CLUL1: variants seen among roughly 807,000 people sequenced by gnomAD.
The protein encoded by CLUL1 is clusterin like 1, also known as clusterin-like protein 1.
In CLUL1, 43 loss-of-function variants were observed where a neutral mutation model predicts 49.4. The ratio of observed to expected loss-of-function variants is 0.87; its 90% confidence interval spans 0.68 to 1.12. The LOEUF (loss-of-function observed/expected upper bound fraction) is 1.12, where lower values mean the gene tolerates loss of function less well. Ranked by LOEUF, CLUL1 falls within the 50% of genes most tolerant of loss-of-function variation. The pLI, the probability that CLUL1 is intolerant of heterozygous loss-of-function variation, is 0.00. For synonymous variants in CLUL1, 192 were observed against 184.9 expected (o/e 1.04, Z -0.31); for missense variants, 486 against 544.4 (o/e 0.89, Z 1.07).
chr18:607,800 G>A (rs1029621295), intron 2 of CLUL1, among the ~76,000 whole-genome samples: 2 of 152,074 alleles, frequency 1.3e-5, no homozygotes, highest in East Asian at 1.9e-4. Context: ...GGTGTTAAGC[G>A]ATCCTCCCAC....
intron 1 of CLUL1, among the ~76,000 whole-genome samples, chr18:605,514 G>T (rs1219377714): frequency 6.6e-6 from 1 of 151,810 alleles, no homozygotes; most frequent in East Asian, 1.9e-4. Flanking sequence ...TGTAGTCCCA[G>T]CTACTTGGGA....
intron 7 of CLUL1, among the ~76,000 whole-genome samples, chr18:640,580 C>T (rs2074316848): frequency 1.3e-5 from 2 of 152,134 alleles, no homozygotes; most frequent in African/African-American, 4.8e-5. Flanking sequence ...AAGGGTTAGC[C>T]ATGTGAATGC....
chr18:620,903 CAA>C (rs1474140924), intron 4 of CLUL1, among the ~76,000 whole-genome samples: 2 of 151,986 alleles, frequency 1.3e-5, no homozygotes, highest in Non-Finnish European at 2.9e-5. Flanking sequence ...ACCCTTAAAT[CAA>C]AGAGGAAATT....
At chr18:637,557 A>G (rs1049531255) in intron 7 of CLUL1, among the ~76,000 whole-genome samples, 7 of 152,156 alleles carry the variant, frequency 4.6e-5, no homozygotes, top group Non-Finnish European at 8.8e-5. Context: ...CTTAGAATGT[A>G]TATTAGACAA....
At chr18:641,680 G>A (rs559037815) in intron 8 of CLUL1, 139 bp downstream of exon 8, 160 of 710,640 alleles carry the variant, frequency 2.3e-4, no homozygotes, top group Non-Finnish European at 3.5e-4. Flanking sequence ...TTGCCTTCAG[G>A]CTGACTTGAT....
At chr18:630,150 C>G (rs1598432253) in intron 6 of CLUL1, among the ~76,000 whole-genome samples, 1 of 152,064 alleles carries the variant, frequency 6.6e-6, no homozygotes, top group African/African-American at 2.4e-5. Context: ...GCTCTGTCAC[C>G]CAGGCTGGAG....
intron 1 of CLUL1, among the ~76,000 whole-genome samples, chr18:602,254 C>G (rs2072853065): frequency 6.6e-6 from 1 of 152,188 alleles, no homozygotes. Context: ...TGGTCTTGCC[C>G]TCAGGAACCT....
chr18:631,229 A>G (rs950754237), intron 6 of CLUL1, among the ~76,000 whole-genome samples: 1 of 152,124 alleles, frequency 6.6e-6, no homozygotes, highest in African/African-American at 2.4e-5. Context: ...TTTCTTTCCT[A>G]CCTTGGTCTT....
At chr18:638,810 A>G (rs2074236980) in intron 7 of CLUL1, among the ~76,000 whole-genome samples, 1 of 151,988 alleles carries the variant, frequency 6.6e-6, no homozygotes, top group African/African-American at 2.4e-5. Flanking sequence ...GTGGGTCAAG[A>G]TCAAGCAACT....
chr18:649,849 G>C lies in CLUL1; in HGVS notation c.1398-49G>C, dbSNP rs747183937. ...AAGAAAAAATACACTGAGTCTGTGA[G>C]TAATTTATTAGTATTTTGATCATTG... On this transcript the variant is annotated intron_variant, in intron 9 of 9. Coordinates refer to ENST00000692774, the MANE Select transcript of CLUL1 (RefSeq NM_001393344.1). 8.8e-6 allele frequency: 10 copies of C among 1,140,534 alleles called. No individual in the cohort carries two copies. In the East Asian group the frequency reaches 2.5e-4, roughly 28 times the overall value. 70.7% of individuals were successfully genotyped at this position (1,140,534 alleles called of 1,614,324 possible). A position where few individuals can be genotyped will look rare whatever the true frequency, so the allele number is the denominator to read the frequency against.
chr18:613,025 G>A (rs1056377427), intron 2 of CLUL1: 1 of 304,798 alleles, frequency 3.3e-6, no homozygotes, highest in South Asian at 1.5e-4. Context: ...ATGGTGAAGT[G>A]GAATATAATT....
rs2073047298 is a variant in CLUL1 at position 608,615 on chromosome 18, G to A, written c.-14+1516G>A. 2.0e-5 allele frequency among the ~76,000 whole-genome samples: 3 copies of A among 152,156 alleles called. No homozygotes were observed. The South Asian group carries it at 6.2e-4, about 32-fold the overall frequency. On this transcript the variant is annotated intron_variant, in intron 2 of 9. Coordinates refer to ENST00000692774, the MANE Select transcript of CLUL1 (RefSeq NM_001393344.1). The stretch of plus-strand genomic sequence containing the variant: ...TGCCTGTAGTCTCAGTGCTTTAGGA[G>A]GCTGAGGTGGGAGGATCACTTGAGG...
In CLUL1 at chr18:619,233, A is replaced by G. The variant is rs1274309069; in HGVS notation, c.127A>G (p.Ile43Val). The G allele has an allele frequency of 2.5e-6, 4 of 1,613,702 alleles. No individual in the cohort carries two copies. The highest frequency in any genetic ancestry group is 2.2e-5 in the East Asian group (1 of 44,876). ...NLKSFSEVGE[I>V]DADEEVKKAL... is the part of the protein sequence containing the mutation. ...TTTAGGTTTTTCTGAGGTGGGGGAG[A>G]TAGATGCAGATGAAGAGGTGAAGAA... The change falls in exon 4 of 10, where the codon ATA (isoleucine) becomes GTA (valine). Residue 43 changes from isoleucine to valine, a missense_variant. Physicochemically the swap from Ile to Val is conservative, Grantham distance 29. Coordinates refer to ENST00000692774, the MANE Select transcript of CLUL1 (RefSeq NM_001393344.1).
rs771278123 is a variant in CLUL1 at position 617,998 on chromosome 18, A to G, written c.-3A>G. 2.2e-5 allele frequency: 36 copies of G among 1,613,806 alleles called. No individual in the cohort carries two copies. The highest frequency in any genetic ancestry group is 3.0e-5 in the Non-Finnish European group (35 of 1,179,902). ...ATTTTTCCTTTGCAGTAACAGCGGG[A>G]ACATGAAGCCGCCACTCTTGGTGTT... On this transcript the variant is annotated 5_prime_UTR_variant, in exon 3 of 10. Transcript: ENST00000692774.
At position 619,092 on chromosome 18, in the gene CLUL1, T is replaced by C. The variant is rs2073399359; in HGVS notation, c.107-121T>C. ...ACAGCTAATTCATTATGATCTGCTT[T>C]CAGAATATGAGCCTATAAGAGAACA... On this transcript the variant is annotated intron_variant, in intron 3 of 9. Transcript: ENST00000692774. 6 of 922,970 alleles carry C rather than the reference T, an allele frequency of 6.5e-6. No individual in the cohort carries two copies. The South Asian group carries it at 7.8e-5, about 12-fold the overall frequency. The allele number at this position is 922,970 out of a possible 1,614,324, so 57.2% of individuals were successfully genotyped here. A position where few individuals can be genotyped will look rare whatever the true frequency, so the allele number is the denominator to read the frequency against.
intron 6 of CLUL1, among the ~76,000 whole-genome samples, chr18:629,397 C>T (rs2073919489): frequency 6.6e-6 from 1 of 152,240 alleles, no homozygotes; most frequent in African/African-American, 2.4e-5. Context: ...GGCTCCTCCC[C>T]TCCATGTTGT....
chr18:611,619 G>T (rs572017004), intron 2 of CLUL1, among the ~76,000 whole-genome samples: 1 of 152,098 alleles, frequency 6.6e-6, no homozygotes, highest in African/African-American at 2.4e-5. Context: ...TTAAGGGAAA[G>T]GTAACCACAT....
intron 9 of CLUL1, 32 bp downstream of exon 9, chr18:645,129 T>G (rs1160563376): frequency 1.3e-6 from 2 of 1,484,014 alleles, no homozygotes; most frequent in Admixed American, 2.3e-5. Context: ...GAATGCCTTG[T>G]TGACAGGAAT....
In CLUL1 at chr18:619,255, AG is replaced by A. The variant is rs2073409010; in HGVS notation, c.150del (p.Lys51ArgfsTer3). 1 of 1,614,086 alleles carries A rather than the reference AG, an allele frequency of 6.2e-7. No individual in the cohort carries two copies. Among genetic ancestry groups the A allele is most frequent in the African/African-American group, 1.3e-5 (1 of 75,028 alleles). On this transcript the variant is annotated frameshift_variant, in exon 4 of 10. Transcript: ENST00000692774. LOFTEE classifies it high-confidence loss of function. ...VGEIDADEEV[K>X]KALTGIKQMK... ...GAGATAGATGCAGATGAAGAGGTGA[AG>A]AAGGCTTTGACTGGTATTAAGCAAA...
Sources: allele counts gnomAD v4.1 joint callset (sites outside exome capture counted in the v4.1 genomes callset), GRCh38; gene constraint gnomAD v4.1.1; transcripts MANE v1.5; gene names NCBI Gene and HGNC (gene_info 2026-07-23, HGNC 2026-07-21).